Variants in VCF1 observed in about 807,000 individuals in gnomAD.
VCF1 encodes the protein VCP nuclear cofactor family member 1.
the VCF1 span, among the ~76,000 whole-genome samples, chr17:73,211,859 A>AAAAAC: frequency 1.3e-5 from 2 of 152,122 alleles, no homozygotes; most frequent in Non-Finnish European, 2.9e-5. Flanking sequence ...ACTCCATCTC[A>AAAAAC]AAAACAAAAC....
At chr17:73,224,503 G>A in the VCF1 span, among the ~76,000 whole-genome samples, 1 of 151,950 alleles carries the variant, frequency 6.6e-6, no homozygotes, top group African/African-American at 2.4e-5. Flanking sequence ...CTGACCTCAT[G>A]GCCCTACCTC....
chr17:73,221,793 T>G, the VCF1 span, among the ~76,000 whole-genome samples: 12 of 152,012 alleles, frequency 7.9e-5, no homozygotes, highest in East Asian at 2.3e-3. Context: ...CCCAGCACTT[T>G]GGGAGGCCGA....
At chr17:73,226,305 T>C in the VCF1 span, among the ~76,000 whole-genome samples, 1 of 152,234 alleles carries the variant, frequency 6.6e-6, no homozygotes, top group Non-Finnish European at 1.5e-5. Flanking sequence ...GTTACCTACA[T>C]GAAAGTTCCT....
chr17:73,208,584 G>A, the VCF1 span: 1 of 1,115,632 alleles, frequency 9.0e-7, no homozygotes, highest in Non-Finnish European at 1.4e-6. Context: ...CCTAGTTACT[G>A]TTGGGGGTTA....
At chr17:73,207,635 G>C in the VCF1 span, 1 of 1,186,216 alleles carries the variant, frequency 8.4e-7, no homozygotes, top group Non-Finnish European at 1.1e-6. Flanking sequence ...TAGTTGGGTG[G>C]GAAGTAACAG....
chr17:73,221,721 C>T, the VCF1 span, among the ~76,000 whole-genome samples: 5 of 152,162 alleles, frequency 3.3e-5, no homozygotes. Context: ...AGACCCCCAT[C>T]TCCACAAAAA....
the VCF1 span, among the ~76,000 whole-genome samples, chr17:73,211,740 G>A: frequency 2.7e-5 from 4 of 148,812 alleles, no homozygotes; most frequent in East Asian, 2.0e-4. Flanking sequence ...TGTGCCTGTG[G>A]TCCCAGCTAC....
At chr17:73,222,673 A>T in the VCF1 span, among the ~76,000 whole-genome samples, 1 of 151,620 alleles carries the variant, frequency 6.6e-6, no homozygotes, top group Non-Finnish European at 1.5e-5. Context: ...GCTACTCAGG[A>T]GGCTGAGGCA....
the VCF1 span, among the ~76,000 whole-genome samples, chr17:73,224,255 C>A: frequency 1.4e-5 from 1 of 69,832 alleles, no homozygotes; most frequent in East Asian, 5.0e-4. Context: ...AGTGAGACGT[C>A]GTCTCTCCAA....
the VCF1 span, chr17:73,207,908 G>C: frequency 2.5e-6 from 3 of 1,183,898 alleles, no homozygotes; most frequent in South Asian, 1.7e-5. Flanking sequence ...CAAGTATCTG[G>C]CTTTAAAAGT....
chr17:73,221,373 C>T, the VCF1 span, among the ~76,000 whole-genome samples: 1 of 151,396 alleles, frequency 6.6e-6, no homozygotes, highest in East Asian at 1.9e-4. Context: ...GAACATTACT[C>T]CTTCTACATG....
At chr17:73,225,886 T>TA in the VCF1 span, among the ~76,000 whole-genome samples, 2 of 70,290 alleles carry the variant, frequency 2.8e-5, no homozygotes, top group Non-Finnish European at 5.6e-5. Flanking sequence ...ATATATAATA[T>TA]ATATATATAT....
the VCF1 span, chr17:73,208,759 T>C: frequency 4.7e-6 from 2 of 422,044 alleles, no homozygotes; most frequent in Admixed American, 3.6e-5. Context: ...CTGACCAAGT[T>C]TGTAGGACAA....
the VCF1 span, among the ~76,000 whole-genome samples, chr17:73,228,460 G>C: frequency 6.6e-6 from 1 of 152,132 alleles, no homozygotes. Flanking sequence ...ATCACCCTAA[G>C]CTCACTTCTC....
chr17:73,212,844 A>C, the VCF1 span: 3 of 695,562 alleles, frequency 4.3e-6, no homozygotes, highest in African/African-American at 3.7e-5. Context: ...ATGCTACTCT[A>C]AGAAAAGGCA....
the VCF1 span, among the ~76,000 whole-genome samples, chr17:73,223,521 T>A: frequency 4.1e-4 from 63 of 152,312 alleles, no homozygotes; most frequent in Non-Finnish European, 7.2e-4. Flanking sequence ...GTGGCACAAT[T>A]TAATGGTTTA....
the VCF1 span, among the ~76,000 whole-genome samples, chr17:73,211,374 GC>G: frequency 6.6e-6 from 1 of 152,112 alleles, no homozygotes; most frequent in Admixed American, 6.6e-5. Flanking sequence ...TTTGAGACCA[GC>G]CTAGCCAACA....
At chr17:73,232,304 C>G in the VCF1 span, 27 of 1,577,988 alleles carry the variant, frequency 1.7e-5, no homozygotes, top group South Asian at 5.6e-5. Flanking sequence ...CGCGCCCCCC[C>G]ATGTCGCTGC....
At chr17:73,225,971 A>G in the VCF1 span, among the ~76,000 whole-genome samples, 1 of 145,940 alleles carries the variant, frequency 6.9e-6, no homozygotes, top group African/African-American at 2.5e-5. Context: ...GCACGATCTC[A>G]GCTCACTGCA....
Sources: allele counts gnomAD v4.1 joint callset (sites outside exome capture counted in the v4.1 genomes callset), GRCh38; gene constraint gnomAD v4.1.1; transcripts MANE v1.5; gene names NCBI Gene and HGNC (gene_info 2026-07-23, HGNC 2026-07-21).